Variants in WFDC9 observed in about 807,000 individuals in gnomAD.
The protein encoded by WFDC9 is WAP four-disulfide core domain 9, also known as protein WFDC9.
A neutral mutation model predicts 9.5 loss-of-function variants in WFDC9; 9 were observed. The ratio of observed to expected loss-of-function variants is 0.95; its 90% CI spans 0.57 to 1.65. The LOEUF (loss-of-function observed/expected upper bound fraction) is 1.65, where lower values mean the gene tolerates loss of function less well. Ranked by LOEUF, WFDC9 falls within the 40% of genes most tolerant of loss-of-function variation. The pLI is 0.00. For missense variants in WFDC9, 87 were observed against 106.7 expected (o/e 0.82, Z 0.81); for synonymous variants, 33 against 32.3 (o/e 1.02, Z -0.07).
intron 2 of WFDC9, 66 bp from the exon 3 acceptor site, chr20:45,610,305 A>G: frequency 1.3e-6 from 1 of 759,860 alleles, no homozygotes; most frequent in South Asian, 1.9e-5. Context: ...GCTTATGACT[A>G]TCATGTTATT....
Position 45,630,878 on chromosome 20 carries a change from C to T in WFDC9, c.-153+325G>A, listed in dbSNP as rs746355951. 5 of 1,600,246 alleles carry T rather than the reference C, an allele frequency of 3.1e-6. No homozygotes were observed. In the South Asian group the frequency reaches 4.5e-5, roughly 14 times the overall value. Reference sequence around the variant, plus strand: ...TCTATTCTCCTTGTCAGAAACACAGCTATCCCCAGAAATCAAAGTCTGCCA... The same window carrying T: ...TCTATTCTCCTTGTCAGAAACACAGTTATCCCCAGAAATCAAAGTCTGCCA... On this transcript the variant is annotated intron_variant, in intron 1 of 4. Coordinates refer to ENST00000326000, the MANE Select transcript of WFDC9 (RefSeq NM_147198.4).
At chr20:45,608,245 C>G in intron 4 of WFDC9, 105 bp from the exon 5 acceptor site, 1 of 1,319,248 alleles carries the variant, frequency 7.6e-7, no homozygotes, top group Non-Finnish European at 1.1e-6. Context: ...AATTCTTCTG[C>G]TAAATCAGAA....
intron 3 of WFDC9, 69 bp downstream of exon 3, chr20:45,610,022 G>A (rs2145594488): frequency 8.0e-7 from 1 of 1,243,850 alleles, no homozygotes; most frequent in Non-Finnish European, 1.2e-6. Context: ...TGACATGCAG[G>A]CCCTGGATCA....
chr20:45,622,920 C>T (rs534325882), intron 1 of WFDC9, among the ~76,000 whole-genome samples: 1 of 152,258 alleles, frequency 6.6e-6, no homozygotes, highest in East Asian at 1.9e-4. Flanking sequence ...TCCCATTAAC[C>T]AGCTCAACTT....
chr20:45,627,432 T>C lies in WFDC9; in HGVS notation c.-153+3771A>G, dbSNP rs146708092. Among the ~76,000 whole-genome samples, 277 of 152,340 alleles carry C rather than the reference T, an allele frequency of 1.8e-3. 1 individual carries two copies. The highest frequency in any genetic ancestry group is 6.3e-3 in the African/African-American group (264 of 41,582). On this transcript the variant is annotated intron_variant, in intron 1 of 4. Coordinates refer to ENST00000326000, the MANE Select transcript of WFDC9 (RefSeq NM_147198.4). ...TTTAAAGGGTCATAGAATTTGGTGG[T>C]AAAGCCATATGGTTCTGGACTTTTG...
chr20:45,609,090 T>A (rs1798026256), intron 3 of WFDC9, among the ~76,000 whole-genome samples: 1 of 152,174 alleles, frequency 6.6e-6, no homozygotes, highest in Non-Finnish European at 1.5e-5. Flanking sequence ...AAATTTATTC[T>A]CATGTAACCT....
rs749229713 is a variant in WFDC9 at position 45,610,078 on chromosome 20, T to C, written c.91+13A>G. ...ACTGGGCAGAGCACCCCGTCCCTTTTCACACCACCCACAGGGATCTTTGTT... is the reference window on the plus strand; with the variant it reads ...ACTGGGCAGAGCACCCCGTCCCTTTCCACACCACCCACAGGGATCTTTGTT... On this transcript the variant is annotated intron_variant, in intron 3 of 4. Transcript: ENST00000326000. 1.5e-5 allele frequency: 25 copies of C among 1,613,438 alleles called. 3 individuals carry two copies. The Admixed American group carries it at 1.8e-4, about 12-fold the overall frequency.
At chr20:45,631,126 C>G in intron 1 of WFDC9, 77 bp downstream of exon 1, 2 of 1,303,500 alleles carry the variant, frequency 1.5e-6, no homozygotes, top group South Asian at 3.5e-5. Context: ...AGAACATCAA[C>G]AGGAATGCCG....
intron 1 of WFDC9, among the ~76,000 whole-genome samples, chr20:45,623,128 C>T (rs1234208052): frequency 6.6e-6 from 1 of 152,078 alleles, no homozygotes; most frequent in Non-Finnish European, 1.5e-5. Flanking sequence ...CCCAAGCTGA[C>T]ACATTTCATT....
At chr20:45,630,005 A>T (rs548650350) in intron 1 of WFDC9, 67 of 1,486,584 alleles carry the variant, frequency 4.5e-5, no homozygotes, top group Non-Finnish European at 5.9e-5. Context: ...AACTCTCTGC[A>T]TATCCAGCTC....
rs1212556488 is a variant in WFDC9, at chr20:45,608,815, G to A, written c.92-5C>T. On this transcript the variant is annotated splice_polypyrimidine_tract_variant and splice_region_variant and intron_variant, in intron 3 of 4. Transcript: ENST00000326000. ...TTTCTCTTATCATATCTAGAACTGA[G>A]ATGGAAGAAGTTAGCAGGGTCCGTC... 3 of 1,607,344 alleles carry A rather than the reference G, an allele frequency of 1.9e-6. No individual in the cohort carries two copies. Among genetic ancestry groups the A allele is most frequent in the East Asian group, 2.2e-5 (1 of 44,590 alleles).
chr20:45,623,704 A>G lies in WFDC9; in HGVS notation c.-153+7499T>C, dbSNP rs188599662. ...GATACATAGTGATGTTTCAATATGT[A>G]TAATGTATAGTGATCAGATCAGGGT... On this transcript the variant is annotated intron_variant, in intron 1 of 4. Transcript: ENST00000326000. 3.2e-3 allele frequency among the ~76,000 whole-genome samples: 489 copies of G among 152,330 alleles called. 1 individual carries two copies. Among genetic ancestry groups the G allele is most frequent in the African/African-American group, 0.011 (461 of 41,564 alleles).
chr20:45,613,971 G>C (rs1981917375), intron 2 of WFDC9, among the ~76,000 whole-genome samples: 1 of 152,158 alleles, frequency 6.6e-6, no homozygotes, highest in Non-Finnish European at 1.5e-5. Context: ...AAAGAAGGAG[G>C]AATACTGATA....
chr20:45,623,798 T>C (rs796459668), intron 1 of WFDC9, among the ~76,000 whole-genome samples: 23 of 152,334 alleles, frequency 1.5e-4, no homozygotes, highest in African/African-American at 5.5e-4. Context: ...ATCTTCCTTC[T>C]AGCTATTTGA....
At chr20:45,611,779 A>G (rs1012807406) in intron 2 of WFDC9, among the ~76,000 whole-genome samples, 1 of 152,180 alleles carries the variant, frequency 6.6e-6, no homozygotes, top group East Asian at 1.9e-4. Flanking sequence ...AATTGCCGCC[A>G]CATTTCTCTC....
At chr20:45,622,375 C>G (rs1170235309) in intron 1 of WFDC9, among the ~76,000 whole-genome samples, 2 of 152,100 alleles carry the variant, frequency 1.3e-5, no homozygotes, top group African/African-American at 4.8e-5. Context: ...ATGATCATTT[C>G]CAGTCTGAGA....
At chr20:45,610,299 A>G (rs1981832065) in intron 2 of WFDC9, 60 bp from the exon 3 acceptor site, 7 of 786,306 alleles carry the variant, frequency 8.9e-6, no homozygotes, top group Non-Finnish European at 1.2e-5. Context: ...TAAAGTGCTT[A>G]TGACTATCAT....
At chr20:45,622,762 T>G (rs1260747964) in intron 1 of WFDC9, among the ~76,000 whole-genome samples, 1 of 152,194 alleles carries the variant, frequency 6.6e-6, no homozygotes. Flanking sequence ...ATATATTAAT[T>G]ATGTCTATTT....
chr20:45,613,848 T>C (rs949066907), intron 2 of WFDC9, among the ~76,000 whole-genome samples: 1 of 152,136 alleles, frequency 6.6e-6, no homozygotes, highest in Non-Finnish European at 1.5e-5. Flanking sequence ...AGGTGAACCA[T>C]GAAGATACTC....
Sources: allele counts gnomAD v4.1 joint callset (sites outside exome capture counted in the v4.1 genomes callset), GRCh38; gene constraint gnomAD v4.1.1; transcripts MANE v1.5; gene names NCBI Gene and HGNC (gene_info 2026-07-23, HGNC 2026-07-21).